TLN2: variants seen among roughly 807,000 people sequenced by gnomAD.
The protein encoded by TLN2 is talin 2, also known as talin-2.
Under a neutral mutation model 294.7 loss-of-function variants are expected in TLN2, and 118 were observed. That is an observed-to-expected ratio of 0.40 (90% CI 0.34 to 0.47). The LOEUF (loss-of-function observed/expected upper bound fraction) is 0.47. Among genes scored for constraint, TLN2 ranks in the 20% least tolerant of loss-of-function variants. The pLI is 0.84. For synonymous variants in TLN2, 1,431 were observed against 1,304.5 expected, an observed-to-expected ratio of 1.10 and a Z score of -2.09; for missense variants, 3,083 against 3,282.2, an observed-to-expected ratio of 0.94 and a Z score of 1.48.
rs992156556 is a variant in TLN2, at chr15:62,605,421, A to G, written c.-161-12930A>G. ...ATTTCCTGTATTGGACACAGAATCT[A>G]CTCTAGGGAATTAAAGCTGGAGTCG... On this transcript the variant is annotated intron_variant, in intron 2 of 58. Coordinates refer to ENST00000636159, the MANE Select transcript of TLN2 (RefSeq NM_015059.3). 3.3e-5 allele frequency among the ~76,000 whole-genome samples: 5 copies of G among 152,212 alleles called. No individual in the cohort carries two copies. The South Asian group carries it at 6.2e-4, about 19-fold the overall frequency.
intron 7 of TLN2, among the ~76,000 whole-genome samples, chr15:62,655,346 G>T (rs955377785): frequency 6.6e-6 from 1 of 152,196 alleles, no homozygotes; most frequent in Non-Finnish European, 1.5e-5. Flanking sequence ...GCACATAGAT[G>T]TGAGGACAGG....
At chr15:62,820,305 A>G (rs2067453362) in intron 53 of TLN2, among the ~76,000 whole-genome samples, 181 bp from the exon 54 acceptor site, 1 of 145,218 alleles carries the variant, frequency 6.9e-6, no homozygotes, top group Non-Finnish European at 1.5e-5. Flanking sequence ...CAGGATTAGC[A>G]CCCCCACCCC....
At chr15:62,561,629 G>A (rs1389694359) in intron 1 of TLN2, 3 of 152,242 alleles carry the variant, frequency 2.0e-5, no homozygotes, top group South Asian at 4.1e-4. Context: ...TGAGCCAAGC[G>A]CTTTCTATGG....
Position 62,462,080 on chromosome 15 carries a change from C to T in TLN2, c.-238+71395C>T, listed in dbSNP as rs1355036594. Among the ~76,000 whole-genome samples the T allele has an allele frequency of 4.6e-5, 7 of 151,914 alleles. 1 individual carries two copies. The highest frequency in any genetic ancestry group is 1.7e-4 in the African/African-American group (7 of 41,460). ...TACTAAAAATACAAAATACAAAATA[C>T]AAAAATTAGCCGGGCGTGGTGGCGG... On this transcript the variant is annotated intron_variant, in intron 1 of 58. Transcript: ENST00000636159.
At chr15:62,419,443 T>A (rs1290468736) in intron 1 of TLN2, among the ~76,000 whole-genome samples, 3 of 152,206 alleles carry the variant, frequency 2.0e-5, no homozygotes, top group Non-Finnish European at 4.4e-5. Context: ...TTCTGGAGTC[T>A]TCCTTAGTGA....
At chr15:62,595,304 C>T (rs911827415) in intron 2 of TLN2, among the ~76,000 whole-genome samples, 3 of 151,084 alleles carry the variant, frequency 2.0e-5, no homozygotes, top group Admixed American at 6.6e-5. Flanking sequence ...CCTGTAATCC[C>T]AGCTACTTGG....
intron 1 of TLN2, among the ~76,000 whole-genome samples, chr15:62,548,722 GT>G (rs1228900708): frequency 6.6e-6 from 1 of 152,172 alleles, no homozygotes; most frequent in Non-Finnish European, 1.5e-5. Context: ...GGTTATGCTG[GT>G]AAACATCAAC....
intron 1 of TLN2, among the ~76,000 whole-genome samples, chr15:62,487,119 AG>A (rs2038440846): frequency 6.6e-6 from 1 of 152,226 alleles, no homozygotes; most frequent in Non-Finnish European, 1.5e-5. Flanking sequence ...GTCTCCTCCT[AG>A]CACATTTGAC....
intron 3 of TLN2, chr15:62,640,448 C>G (rs750917364): frequency 5.1e-5 from 22 of 434,372 alleles, no homozygotes; most frequent in African/African-American, 4.0e-4. Context: ...TAGCCTGGCC[C>G]TCTGGTCTTG....
At chr15:62,728,273 A>G (rs2060542346) in intron 28 of TLN2, among the ~76,000 whole-genome samples, 1 of 152,148 alleles carries the variant, frequency 6.6e-6, no homozygotes, top group Non-Finnish European at 1.5e-5. Flanking sequence ...TCTCAGCACT[A>G]TGTTAGTGAG....
At chr15:62,444,690 T>C (rs2035728380) in intron 1 of TLN2, among the ~76,000 whole-genome samples, 1 of 152,224 alleles carries the variant, frequency 6.6e-6, no homozygotes, top group South Asian at 2.1e-4. Flanking sequence ...AATTACTGGC[T>C]AAGGCTCTAA....
At chr15:62,788,985 G>A (rs1016573894) in intron 45 of TLN2, among the ~76,000 whole-genome samples, 1 of 152,196 alleles carries the variant, frequency 6.6e-6, no homozygotes, top group South Asian at 2.1e-4. Flanking sequence ...GGCAGAGCTG[G>A]ATGAAGGTCC....
chr15:62,399,468 A>T (rs375802830), intron 1 of TLN2, among the ~76,000 whole-genome samples: 1 of 152,104 alleles, frequency 6.6e-6, no homozygotes, highest in African/African-American at 2.4e-5. Context: ...CCAGAATAGT[A>T]GATCCACCAA....
intron 1 of TLN2, among the ~76,000 whole-genome samples, chr15:62,487,078 G>A (rs184543953): frequency 6.6e-6 from 1 of 152,134 alleles, no homozygotes; most frequent in Admixed American, 6.5e-5. Context: ...GAGTTCCTAG[G>A]AGTGGAAAAA....
At chr15:62,837,064 G>C (rs7163611) in intron 57 of TLN2, among the ~76,000 whole-genome samples, 1 of 152,130 alleles carries the variant, frequency 6.6e-6, no homozygotes, top group Non-Finnish European at 1.5e-5. Context: ...TTTATTGTAA[G>C]TGTTAAAATG....
intron 21 of TLN2, among the ~76,000 whole-genome samples, chr15:62,709,460 G>C (rs2059283076): frequency 6.6e-6 from 1 of 152,170 alleles, no homozygotes; most frequent in Non-Finnish European, 1.5e-5. Flanking sequence ...GGGTTGGTTA[G>C]TTTGCATATC....
intron 54 of TLN2, 115 bp downstream of exon 54, chr15:62,820,725 A>G: frequency 2.2e-6 from 3 of 1,381,330 alleles, no homozygotes; most frequent in South Asian, 1.4e-5. Context: ...TGGTCAGACT[A>G]GCAAGCAGAA....
chr15:62,513,039 C>T (rs944459928), intron 1 of TLN2, among the ~76,000 whole-genome samples: 4 of 152,138 alleles, frequency 2.6e-5, no homozygotes, highest in African/African-American at 9.7e-5. Flanking sequence ...GCCCTGACCT[C>T]TAATCTCTCA....
intron 17 of TLN2, 52 bp downstream of exon 17, chr15:62,701,266 T>TG (rs770264810): frequency 7.6e-5 from 73 of 964,364 alleles, no homozygotes; most frequent in Non-Finnish European, 9.1e-5. Flanking sequence ...AAAAGCTGTG[T>TG]TTTTTTTTTT....
Sources: gnomAD v4.1 joint callset for allele counts (sites outside exome capture counted in the v4.1 genomes callset) on GRCh38, gnomAD v4.1.1 for gene constraint, MANE v1.5 for transcripts, NCBI Gene and HGNC (gene_info 2026-07-23, HGNC 2026-07-21) for gene names.